Variants in FBN2 observed in about 807,000 individuals in gnomAD.
FBN2 encodes the protein fibrillin 2.
FBN2 carries 105 observed loss-of-function variants against 355.6 expected under a neutral mutation model. That is an observed-to-expected ratio of 0.30 (90% CI 0.25 to 0.35). FBN2 has a LOEUF of 0.35. FBN2 is among the 10% of genes least tolerant of loss of function. The pLI is 1.00. For synonymous variants in FBN2, 1,350 were observed against 1,301.2 expected (o/e 1.04, Z -0.81); for missense variants, 3,280 against 3,758.7 (o/e 0.87, Z 3.33).
chr5:128,499,608 G>A (rs1755751427), intron 5 of FBN2, among the ~76,000 whole-genome samples: 1 of 152,106 alleles, frequency 6.6e-6, no homozygotes, highest in Non-Finnish European at 1.5e-5. Flanking sequence ...GAACAGATGT[G>A]GGAATCAATA....
chr5:128,364,962 A>C (rs536027872), intron 17 of FBN2, among the ~76,000 whole-genome samples: 1 of 152,182 alleles, frequency 6.6e-6, no homozygotes, highest in Non-Finnish European at 1.5e-5. Flanking sequence ...GCAGAAATTC[A>C]AAGAGTTAAA....
intron 8 of FBN2, among the ~76,000 whole-genome samples, chr5:128,404,097 C>G (rs1233549932): frequency 6.6e-6 from 1 of 152,174 alleles, no homozygotes; most frequent in African/African-American, 2.4e-5. Context: ...GCTTTAAGTT[C>G]ATCCAACTCT....
At chr5:128,450,093 A>C (rs576174814) in intron 6 of FBN2, among the ~76,000 whole-genome samples, 11 of 152,088 alleles carry the variant, frequency 7.2e-5, no homozygotes, top group Non-Finnish European at 1.5e-4. Flanking sequence ...AGTATGTGGA[A>C]ATTTCCACAT....
At chr5:128,289,981 A>T in intron 50 of FBN2, 34 bp from the exon 51 acceptor site, 1 of 1,280,528 alleles carries the variant, frequency 7.8e-7, no homozygotes, top group Non-Finnish European at 1.1e-6. Context: ...CCATTATTGA[A>T]GACTTGAAAT....
At chr5:128,524,734 T>C (rs924506533) in intron 4 of FBN2, among the ~76,000 whole-genome samples, 1 of 152,178 alleles carries the variant, frequency 6.6e-6, no homozygotes, top group African/African-American at 2.4e-5. Flanking sequence ...GGTAATCTAT[T>C]AGTTATCATA....
At chr5:128,438,088 T>C (rs1753822398) in intron 7 of FBN2, among the ~76,000 whole-genome samples, 1 of 152,188 alleles carries the variant, frequency 6.6e-6, no homozygotes, top group African/African-American at 2.4e-5. Flanking sequence ...CCTCCTGGGC[T>C]TAGGTGATCC....
chr5:128,363,261 G>A (rs776921879), intron 18 of FBN2, among the ~76,000 whole-genome samples: 2 of 151,944 alleles, frequency 1.3e-5, no homozygotes, highest in South Asian at 2.1e-4. Flanking sequence ...CGAGGTCTCC[G>A]CTCACTGCAG....
intron 5 of FBN2, among the ~76,000 whole-genome samples, chr5:128,498,271 T>C (rs1755709816): frequency 6.6e-6 from 1 of 152,204 alleles, no homozygotes; most frequent in Non-Finnish European, 1.5e-5. Flanking sequence ...TATTTTCTTG[T>C]TCATACATAA....
chr5:128,397,166 G>A (rs911528945), intron 8 of FBN2, among the ~76,000 whole-genome samples: 1 of 152,156 alleles, frequency 6.6e-6, no homozygotes, highest in South Asian at 2.1e-4. Flanking sequence ...ACTTGAGTTG[G>A]ATTTGGACAG....
In FBN2 at chr5:128,357,371, G is replaced by A. The variant is rs1751527278; in HGVS notation, c.2579C>T (p.Pro860Leu). The stretch of plus-strand genomic sequence containing the variant: ...GTTTCTGCAGGCCCCATTGACACAT[G>A]GGTTGCTTTCACATTCATTTATATC... ...CEDINECESNPCVNGACRNNL... is the reference protein window; with the variant it reads ...CEDINECESNLCVNGACRNNL... The change falls in exon 20 of 65, where the codon CCA (proline) becomes CTA (leucine). Residue 860 changes from proline to leucine, a missense_variant. Pro to Leu is a moderately conservative substitution (Grantham distance 98). Coordinates refer to ENST00000262464, the MANE Select transcript of FBN2 (RefSeq NM_001999.4). The A allele has an allele frequency of 6.2e-7, 1 of 1,613,816 alleles. No individual in the cohort carries two copies. The highest frequency in any genetic ancestry group is 1.3e-5 in the African/African-American group (1 of 74,984).
intron 7 of FBN2, among the ~76,000 whole-genome samples, chr5:128,421,998 A>G (rs1158074529): frequency 6.6e-6 from 1 of 152,146 alleles, no homozygotes; most frequent in Non-Finnish European, 1.5e-5. Flanking sequence ...AGATTGAGAG[A>G]CAGATTTGAA....
intron 2 of FBN2, among the ~76,000 whole-genome samples, chr5:128,535,975 G>A (rs1229502473): frequency 6.6e-6 from 1 of 152,090 alleles, no homozygotes; most frequent in Non-Finnish European, 1.5e-5. Flanking sequence ...TTATATAAAT[G>A]CCTAAGAAAT....
chr5:128,470,177 AC>A (rs1422766997), intron 5 of FBN2, among the ~76,000 whole-genome samples: 1 of 152,216 alleles, frequency 6.6e-6, no homozygotes, highest in East Asian at 1.9e-4. Flanking sequence ...TTGTACTCCC[AC>A]AGGACATAGG....
At chr5:128,371,177 T>G (rs1751924075) in intron 15 of FBN2, 1 of 152,130 alleles carries the variant, frequency 6.6e-6, no homozygotes, top group East Asian at 1.9e-4. Context: ...TACTGTGAAC[T>G]ATCAGTTGAG....
At position 128,286,984 on chromosome 5, in the gene FBN2, T is replaced by C. The variant is rs916104453; in HGVS notation, c.6881-135A>G. 3.1e-5 allele frequency: 28 copies of C among 912,940 alleles called. No homozygotes were observed. In the African/African-American group the frequency reaches 4.6e-4, roughly 15 times the overall value. The allele number at this position is 912,940 out of a possible 1,614,324, so 56.6% of individuals were successfully genotyped here. A position where few individuals can be genotyped will look rare whatever the true frequency, so the allele number is the denominator to read the frequency against. ...AGAGAAAGGAGAAGCCCAGCCATTG[T>C]CAGCTGTTGGCTATATTCCAGATGT... On this transcript the variant is annotated intron_variant, in intron 54 of 64. Transcript: ENST00000262464.
intron 62 of FBN2, among the ~76,000 whole-genome samples, chr5:128,264,052 C>T (rs746035443): frequency 6.6e-6 from 1 of 152,008 alleles, no homozygotes; most frequent in African/African-American, 2.4e-5. Flanking sequence ...GGGAAATGAC[C>T]GCTCTTGGGT....
At chr5:128,455,698 C>T (rs1054626835) in intron 6 of FBN2, among the ~76,000 whole-genome samples, 3 of 151,842 alleles carry the variant, frequency 2.0e-5, no homozygotes, top group Non-Finnish European at 4.4e-5. Flanking sequence ...GAGAGCCACA[C>T]GGGGATGGGA....
intron 5 of FBN2, among the ~76,000 whole-genome samples, chr5:128,485,180 T>C (rs189562242): frequency 1.3e-5 from 2 of 152,130 alleles, no homozygotes; most frequent in African/African-American, 2.4e-5. Context: ...CAAGACACCA[T>C]GCACAGCTAA....
At chr5:128,281,428 C>A (rs146756219) in intron 55 of FBN2, among the ~76,000 whole-genome samples, 2 of 152,292 alleles carry the variant, frequency 1.3e-5, no homozygotes, top group African/African-American at 4.8e-5. Context: ...TCTATCAATG[C>A]CAAGAAGTAT....
Sources: allele counts gnomAD v4.1 joint callset (sites outside exome capture counted in the v4.1 genomes callset), GRCh38; gene constraint gnomAD v4.1.1; transcripts MANE v1.5; gene names NCBI Gene and HGNC (gene_info 2026-07-23, HGNC 2026-07-21).